SMARCA4: variants seen among roughly 807,000 people sequenced by gnomAD.
SMARCA4 encodes the protein SWI/SNF-related matrix-associated actin-dependent regulator of chromatin subfamily A member 4.
In SMARCA4, 31 loss-of-function variants were observed where a neutral mutation model predicts 193.9. The observed-to-expected ratio is 0.16, with a 90% CI of 0.12 to 0.22. SMARCA4 has a LOEUF of 0.22. SMARCA4 is among the 10% of genes least tolerant of loss of function. The probability of loss-of-function intolerance (pLI) is 1.00; values close to 1 mark genes in which losing one functional copy is unlikely to be tolerated. For synonymous variants in SMARCA4, 942 were observed against 933.1 expected (o/e 1.01, Z -0.17); for missense variants, 1,148 against 2,296.0 (o/e 0.50, Z 10.22).
intron 14 of SMARCA4, among the ~76,000 whole-genome samples, 183 bp from the exon 15 acceptor site, chr19:11,010,198 C>T (rs2146226524): frequency 6.6e-6 from 1 of 152,324 alleles, no homozygotes; most frequent in South Asian, 2.1e-4. Context: ...CTGGACCCCT[C>T]AGGCTTAGTG....
Position 10,987,571 on chromosome 19 carries a change from C to T in SMARCA4, c.860-95C>T. On this transcript the variant is annotated intron_variant, in intron 5 of 34. Coordinates refer to ENST00000344626, the MANE Select transcript of SMARCA4 (RefSeq NM_003072.5). The surrounding 1 kb of genome is among the most constrained non-coding windows in gnomAD (Gnocchi z 5.3). ...TGGGAGATGGGCGGGGTCTGCCTGT[C>T]CCCAGTGCCTCAAGCAGCTCAGCAG... The T allele has an allele frequency of 6.9e-7, 1 of 1,447,158 alleles. No individual in the cohort carries two copies. Among genetic ancestry groups the T allele is most frequent in the Non-Finnish European group, 9.7e-7 (1 of 1,032,680 alleles). The allele number at this position is 1,447,158 out of a possible 1,614,324, so 89.6% of individuals were successfully genotyped here. A position where few individuals can be genotyped will look rare whatever the true frequency, so the allele number is the denominator to read the frequency against.
intron 20 of SMARCA4, among the ~76,000 whole-genome samples, 163 bp downstream of exon 20, chr19:11,023,794 C>T (rs988754455): frequency 6.6e-6 from 1 of 152,228 alleles, no homozygotes; most frequent in African/African-American, 2.4e-5. Flanking sequence ...CCCTGTGCTG[C>T]TGTTGTAGGG....
At position 11,039,504 on chromosome 19, in the gene SMARCA4, G is replaced by A. The variant is rs779801126; in HGVS notation, c.4171-1803G>A. 41 of 1,600,986 alleles carry A rather than the reference G, an allele frequency of 2.6e-5. No individual in the cohort carries two copies. Among genetic ancestry groups the A allele is most frequent in the Middle Eastern group, 1.7e-4 (1 of 6,042 alleles). On this transcript the variant is annotated intron_variant, in intron 29 of 34. Transcript: ENST00000344626. ...CATGACACAGCCAGCAGTGTGGCAC[G>A]TGGGCTACAATTCCAGCGTGGCCTT...
At chr19:10,974,778 C>G (rs1005826220) in intron 1 of SMARCA4, among the ~76,000 whole-genome samples, 1 of 130,738 alleles carries the variant, frequency 7.6e-6, no homozygotes, top group Non-Finnish European at 1.5e-5. Context: ...GCGATCTTGG[C>G]TCACCGCAAC....
In SMARCA4 at chr19:10,992,086, G is replaced by T. The variant is rs149160487; in HGVS notation, c.1419+763G>T. ...TATTGGTGTAGTGTAAAATAATCTA[G>T]ACAGTCAACACAGCAATCTCTGTTA... On this transcript the variant is annotated intron_variant, in intron 8 of 34. Transcript: ENST00000344626. Among the ~76,000 whole-genome samples the T allele has an allele frequency of 3.9e-3, 587 of 151,948 alleles. 4 individuals are homozygous for T. Among genetic ancestry groups the T allele is most frequent in the African/African-American group, 0.013 (537 of 41,446 alleles).
Position 11,041,625 on chromosome 19 carries a change from C to A in SMARCA4, c.4424+65C>A, listed in dbSNP as rs2146827001. 1 of 1,425,360 alleles carries A rather than the reference C, an allele frequency of 7.0e-7. No homozygotes were observed. The allele number at this position is 1,425,360 out of a possible 1,614,324, so 88.3% of individuals were successfully genotyped here. On this transcript the variant is annotated intron_variant, in intron 30 of 34. Coordinates refer to ENST00000344626, the MANE Select transcript of SMARCA4 (RefSeq NM_003072.5). The surrounding 1 kb of genome is among the most constrained non-coding windows in gnomAD (Gnocchi z 5.6). The stretch of plus-strand genomic sequence containing the variant: ...CCCGTGGGAGCAGGCCTGGCATCTG[C>A]ACTCTGACTCTGCACACTCAGGCTT...
chr19:10,993,562 G>C (rs1000143228), intron 8 of SMARCA4, among the ~76,000 whole-genome samples: 2 of 152,168 alleles, frequency 1.3e-5, no homozygotes, highest in Admixed American at 6.5e-5. Context: ...TTTCACATCC[G>C]TGCCATGCTG....
chr19:10,991,436 C>T (rs2086554507), intron 8 of SMARCA4, 113 bp downstream of exon 8: 3 of 1,493,028 alleles, frequency 2.0e-6, no homozygotes, highest in Non-Finnish European at 2.7e-6. Flanking sequence ...GCTTGTCTCT[C>T]TCTTTTGCTC....
At chr19:10,989,108 G>C (rs2086322534) in intron 6 of SMARCA4, among the ~76,000 whole-genome samples, 1 of 152,212 alleles carries the variant, frequency 6.6e-6, no homozygotes, top group African/African-American at 2.4e-5. Flanking sequence ...CAGGAATCTT[G>C]TTTGCTGTCC....
rs373590049 is a variant in SMARCA4, at chr19:11,027,926, G to A, written c.3358G>A (p.Gly1120Ser). Residue 1120 changes from glycine (G) to serine (S), a missense_variant, in exon 24 of 35, where the codon GGC becomes AGC. Gly to Ser is a moderately conservative substitution (Grantham distance 56). Coordinates refer to ENST00000344626, the MANE Select transcript of SMARCA4 (RefSeq NM_003072.5). ...TIMEDYFAYR[G>S]FKYLRLDGTT... is the part of the protein sequence containing the mutation. ...CATGGAAGATTACTTTGCGTATCGC[G>A]GCTTTAAATACCTCAGGCTTGATGG... The A allele has an allele frequency of 2.6e-5, 42 of 1,614,026 alleles. No homozygotes were observed. Among genetic ancestry groups the A allele is most frequent in the East Asian group, 4.5e-5 (2 of 44,904 alleles).
chr19:11,012,820 G>A lies in SMARCA4; in HGVS notation c.2275-129G>A, dbSNP rs529820440. On this transcript the variant is annotated intron_variant, in intron 15 of 34. Transcript: ENST00000344626. ...GTTCAGAGGAAAAATCCGTGGTAAA[G>A]GCAGTAGAGGGTGGGATGTGGCTTA... is the stretch of plus-strand genomic sequence containing the variant. 3.0e-4 allele frequency: 242 copies of A among 796,618 alleles called. 1 individual carries two copies. The Middle Eastern group carries it at 3.6e-3, about 12-fold the overall frequency. The allele number at this position is 796,618 out of a possible 1,614,324, so 49.3% of individuals were successfully genotyped here. A position where few individuals can be genotyped will look rare whatever the true frequency, so the allele number is the denominator to read the frequency against.
intron 6 of SMARCA4, among the ~76,000 whole-genome samples, chr19:10,989,107 T>C (rs1340627283): frequency 1.3e-5 from 2 of 152,224 alleles, no homozygotes; most frequent in Non-Finnish European, 2.9e-5. Flanking sequence ...TCAGGAATCT[T>C]GTTTGCTGTC....
At position 10,994,328 on chromosome 19, in the gene SMARCA4, T is replaced by G. The variant is rs146818795; in HGVS notation, c.1420-500T>G. The stretch of plus-strand genomic sequence containing the variant: ...AAAGCGATATTCTAGGTTTTTTTTT[T>G]TTTTTTTTTTTTTGAGACAGCGTCT... On this transcript the variant is annotated intron_variant, in intron 8 of 34. Coordinates refer to ENST00000344626, the MANE Select transcript of SMARCA4 (RefSeq NM_003072.5). Among the ~76,000 whole-genome samples the G allele has an allele frequency of 0.021, 3,072 of 145,188 alleles. 273 individuals carry two copies. The East Asian group carries it at 0.31, about 15-fold the overall frequency.
In SMARCA4 at chr19:10,984,081, C is replaced by T. The variant is rs976938522; in HGVS notation, c.-31-40C>T. The T allele has an allele frequency of 3.4e-5, 53 of 1,581,742 alleles. No individual in the cohort carries two copies. The highest frequency in any genetic ancestry group is 4.4e-5 in the Non-Finnish European group (51 of 1,152,406). ...CTTGCTATCCCTGTCCTGCCTCGCC[C>T]TTGGTCATGAACCCCAGACTGACCA... On this transcript the variant is annotated intron_variant, in intron 1 of 34. Coordinates refer to ENST00000344626, the MANE Select transcript of SMARCA4 (RefSeq NM_003072.5). This position sits in a 1 kb window ranked among gnomAD's most constrained non-coding sequence, Gnocchi z 4.3.
rs755987663 is a variant in SMARCA4, at chr19:10,985,321, A to C, written c.271A>C (p.Asn91His). Residue 91 changes from asparagine (N) to histidine (H), a missense_variant, in exon 3 of 35, where the codon AAC becomes CAC. By Grantham distance (68) the Asn-to-His change is moderately conservative (BLOSUM62 1). Around this residue, in one of 17 missense-constraint regions of SMARCA4, gnomAD observed 201 missense variants for 248.3 expected, o/e 0.81. Transcript: ENST00000344626. The surrounding 1 kb of genome is among the most constrained non-coding windows in gnomAD (Gnocchi z 4.5). ...GGGCATGTCGGACGACCCGCGCTAC[A>C]ACCAGATGAAAGGAATGGGGATGCG... ...EKGMSDDPRY[N>H]QMKGMGMRSG... 1.9e-6 allele frequency: 3 copies of C among 1,614,012 alleles called. No homozygotes were observed. The East Asian group carries it at 6.7e-5, about 36-fold the overall frequency.
intron 11 of SMARCA4, among the ~76,000 whole-genome samples, chr19:10,996,866 T>C (rs1192163124): frequency 1.3e-5 from 2 of 152,080 alleles, no homozygotes. Flanking sequence ...ATTTTCACGT[T>C]TTGTGTTTTG....
Position 11,058,150 on chromosome 19 carries a change from A to T in SMARCA4, c.4425-105A>T. 1.3e-6 allele frequency: 1 copy of T among 747,226 alleles called. No homozygotes were observed. Among genetic ancestry groups the T allele is most frequent in the Non-Finnish European group, 2.4e-6 (1 of 422,590 alleles). The allele number at this position is 747,226 out of a possible 1,614,324, so 46.3% of individuals were successfully genotyped here. A position where few individuals can be genotyped will look rare whatever the true frequency, so the allele number is the denominator to read the frequency against. ...TGTGCAAGAAATAGCTCCTGAGCTG[A>T]GTTGGAATTTCTCATCCTTAAACAA... is the stretch of plus-strand genomic sequence containing the variant. On this transcript the variant is annotated intron_variant, in intron 30 of 34. Coordinates refer to ENST00000344626, the MANE Select transcript of SMARCA4 (RefSeq NM_003072.5). The surrounding 1 kb of genome is among the most constrained non-coding windows in gnomAD (Gnocchi z 5.8).
Position 10,986,845 on chromosome 19 carries a change from C to T in SMARCA4, c.761-60C>T, listed in dbSNP as rs1036834126. 1.2e-5 allele frequency: 17 copies of T among 1,438,774 alleles called. No individual in the cohort carries two copies. The highest frequency in any genetic ancestry group is 5.6e-5 in the African/African-American group (4 of 71,594). 89.1% of individuals were successfully genotyped at this position (1,438,774 alleles called of 1,614,324 possible). On this transcript the variant is annotated intron_variant, in intron 4 of 34. Coordinates refer to ENST00000344626, the MANE Select transcript of SMARCA4 (RefSeq NM_003072.5). This position sits in a 1 kb window ranked among gnomAD's most constrained non-coding sequence, Gnocchi z 6.7. The stretch of plus-strand genomic sequence containing the variant: ...CCTGGAGCCAGGGCTGCCCACGGGG[C>T]TGGGCGCAGGCATAAACCTGGGACG...
intron 30 of SMARCA4, among the ~76,000 whole-genome samples, chr19:11,046,948 C>CAAAAAAAAAAAAAA (rs35450843): frequency 2.2e-5 from 2 of 91,838 alleles, no homozygotes; most frequent in Admixed American, 1.2e-4. Context: ...GACCCTGTTG[C>CAAAAAAAAAAAAAA]AAAAAAAAAA....
Sources: allele counts gnomAD v4.1 joint callset (sites outside exome capture counted in the v4.1 genomes callset), GRCh38; gene constraint gnomAD v4.1.1; regional missense constraint gnomAD v4.1.1; non-coding constraint Gnocchi (gnomAD v3.1); transcripts MANE v1.5; gene names NCBI Gene and HGNC (gene_info 2026-07-23, HGNC 2026-07-21).